The following ACSBG2 variants were observed in gnomAD, a reference collection of about 807,000 sequenced individuals.
ACSBG2 encodes the protein long-chain-fatty-acid--CoA ligase ACSBG2.
ACSBG2 carries 62 observed loss-of-function variants against 74.7 expected under a neutral mutation model. The observed-to-expected ratio is 0.83, with a 90% confidence interval of 0.68 to 1.03. ACSBG2 has a LOEUF of 1.03. Among genes scored for constraint, ACSBG2 ranks in the 50% least tolerant of loss-of-function variants. The pLI, the probability that ACSBG2 is intolerant of heterozygous loss-of-function variation, is 0.00. For missense variants in ACSBG2, 730 were observed against 817.6 expected (o/e 0.89, Z 1.31); for synonymous variants, 309 against 294.1 (o/e 1.05, Z -0.52).
rs148282673 is a variant in ACSBG2, at chr19:6,174,344, C to T, written c.739-2885C>T. 2.6e-4 allele frequency among the ~76,000 whole-genome samples: 39 copies of T among 152,282 alleles called. 2 individuals are homozygous for T. In the East Asian group the frequency reaches 6.9e-3, roughly 27 times the overall value. ...CAGCATCCCTTCTGCTCCTTTCTGT[C>T]AGTCAAAACAAATCACTGGACCAAT... On this transcript the variant is annotated intron_variant, in intron 7 of 14. Coordinates refer to ENST00000588485, the MANE Select transcript of ACSBG2 (RefSeq NM_030924.5). This position sits in a 1 kb window ranked among gnomAD's most constrained non-coding sequence, Gnocchi z 4.2.
chr19:6,184,860 A>AC (rs1568254722), intron 10 of ACSBG2, among the ~76,000 whole-genome samples: 2 of 142,342 alleles, frequency 1.4e-5, no homozygotes, highest in South Asian at 2.2e-4. Context: ...AAAAAAAAAA[A>AC]AAAAAAAAAA....
chr19:6,170,994 G>T (rs1290470924), intron 7 of ACSBG2, among the ~76,000 whole-genome samples: 4 of 149,192 alleles, frequency 2.7e-5, no homozygotes, highest in East Asian at 3.9e-4. Flanking sequence ...TTTCTTAACT[G>T]TCATTAGTTT....
intron 5 of ACSBG2, 29 bp downstream of exon 5, chr19:6,156,580 A>G (rs1464150685): frequency 1.3e-6 from 2 of 1,506,816 alleles, no homozygotes; most frequent in East Asian, 2.5e-5. Flanking sequence ...CTGCCTGCCA[A>G]AGTCACCCAG....
intron 2 of ACSBG2, among the ~76,000 whole-genome samples, chr19:6,146,235 C>T (rs1227951700): frequency 1.3e-5 from 2 of 151,346 alleles, no homozygotes; most frequent in Admixed American, 6.6e-5. Flanking sequence ...TTTGGGAGGC[C>T]GAGGCAGGTG....
At chr19:6,181,161 C>G (rs1281962712) in intron 8 of ACSBG2, among the ~76,000 whole-genome samples, 2 of 143,978 alleles carry the variant, frequency 1.4e-5, no homozygotes, top group Non-Finnish European at 3.0e-5. Flanking sequence ...GAGGCAAAGG[C>G]TGCAGTGAGC....
chr19:6,188,978 G>A (rs998430706), intron 13 of ACSBG2, among the ~76,000 whole-genome samples: 2 of 152,182 alleles, frequency 1.3e-5, no homozygotes, highest in Admixed American at 6.5e-5. Flanking sequence ...GAGCAGTTAA[G>A]GGGAACTATA....
chr19:6,146,108 T>C (rs1385505427), intron 2 of ACSBG2, among the ~76,000 whole-genome samples: 1 of 152,236 alleles, frequency 6.6e-6, no homozygotes, highest in African/African-American at 2.4e-5. Context: ...CTCTTGTTAA[T>C]GATTTACATG....
At chr19:6,161,115 G>T in intron 5 of ACSBG2, 100 bp from the exon 6 acceptor site, 2 of 672,336 alleles carry the variant, frequency 3.0e-6, no homozygotes, top group East Asian at 3.3e-5. Context: ...AAAAAAAAGA[G>T]GCTAGAGTTG....
In ACSBG2 at chr19:6,187,756, C is replaced by T; in HGVS notation, c.1838C>T (p.Ala613Val). 6.2e-7 allele frequency: 1 copy of T among 1,614,176 alleles called. No individual in the cohort carries two copies. The highest frequency in any genetic ancestry group is 8.5e-7 in the Non-Finnish European group (1 of 1,180,032). Residue 613 changes from alanine to valine, a missense_variant, in exon 13 of 15, where the codon GCT (alanine) becomes GTT (valine). Transcript: ENST00000588485. ...AAGGCCATCCAGCAAGGCATCAATG[C>T]TGTGAACCAGGAAGCCATGAACAAT... The part of the protein sequence containing the change: ...VYKAIQQGIN[A>V]VNQEAMNNAQ...
At chr19:6,170,831 T>C (rs2089945095) in intron 7 of ACSBG2, among the ~76,000 whole-genome samples, 1 of 152,170 alleles carries the variant, frequency 6.6e-6, no homozygotes, top group Admixed American at 6.5e-5. Context: ...CAGTGGGGTG[T>C]TGAAGTCCCT....
chr19:6,181,773 G>C (rs1345839792), intron 8 of ACSBG2, among the ~76,000 whole-genome samples: 2 of 119,522 alleles, frequency 1.7e-5, no homozygotes, highest in Non-Finnish European at 3.6e-5. Context: ...GGAAGCGTTT[G>C]TTTGTTTTAT....
chr19:6,146,492 G>A (rs936341956), intron 2 of ACSBG2, among the ~76,000 whole-genome samples: 14 of 151,816 alleles, frequency 9.2e-5, no homozygotes, highest in Admixed American at 6.6e-4. Flanking sequence ...TAGGCCAGGC[G>A]CGGTGGCTCA....
chr19:6,162,390 C>A (rs149504864), intron 6 of ACSBG2, among the ~76,000 whole-genome samples: 3,497 of 150,744 alleles, frequency 0.023, 120 homozygotes, highest in African/African-American at 0.076. Flanking sequence ...CACGGTGAAA[C>A]CCCGTCTCTA....
chr19:6,166,279 G>GTGTGTGTGT (rs1568237435), intron 7 of ACSBG2, among the ~76,000 whole-genome samples: 1 of 85,760 alleles, frequency 1.2e-5, no homozygotes, highest in African/African-American at 7.4e-5. Context: ...AGTCAGGAAG[G>GTGTGTGTGT]TTGTGTGTGT....
chr19:6,191,027 T>G (rs544440926), intron 14 of ACSBG2: 2 of 187,442 alleles, frequency 1.1e-5, no homozygotes, highest in Non-Finnish European at 2.3e-5. Context: ...AAATGTCTCA[T>G]TGGGTCTTAT....
chr19:6,183,916 C>T (rs1335496961), intron 10 of ACSBG2, among the ~76,000 whole-genome samples: 2 of 152,156 alleles, frequency 1.3e-5, no homozygotes, highest in African/African-American at 4.8e-5. Flanking sequence ...CCTCCTGCCT[C>T]AGCCTCCCAA....
At chr19:6,162,795 T>C (rs1220831292) in intron 6 of ACSBG2, among the ~76,000 whole-genome samples, 3 of 151,888 alleles carry the variant, frequency 2.0e-5, no homozygotes, top group East Asian at 1.9e-4. Context: ...ACTCACTGGA[T>C]GCCAGGAATA....
At chr19:6,173,805 A>C (rs1316848159) in intron 7 of ACSBG2, among the ~76,000 whole-genome samples, 2 of 152,028 alleles carry the variant, frequency 1.3e-5, no homozygotes, top group Non-Finnish European at 2.9e-5. Context: ...CTGGTTCCAA[A>C]CCACAAGGCT....
chr19:6,166,954 T>G (rs1222135054), intron 7 of ACSBG2, among the ~76,000 whole-genome samples: 1 of 152,038 alleles, frequency 6.6e-6, no homozygotes, highest in African/African-American at 2.4e-5. Flanking sequence ...TTACACTGTT[T>G]TTAGAGATGG....
Sources: allele counts gnomAD v4.1 joint callset (sites outside exome capture counted in the v4.1 genomes callset), GRCh38; gene constraint gnomAD v4.1.1; non-coding constraint Gnocchi (gnomAD v3.1); transcripts MANE v1.5; gene names NCBI Gene and HGNC (gene_info 2026-07-23, HGNC 2026-07-21).